HTRA3: variants seen among roughly 807,000 people sequenced by gnomAD.
The protein encoded by HTRA3 is HtrA serine peptidase 3.
In HTRA3, 41 loss-of-function variants were observed where a neutral mutation model predicts 43.2. The observed-to-expected ratio is 0.95, with a 90% CI of 0.74 to 1.23. The LOEUF (loss-of-function observed/expected upper bound fraction) is 1.23. Among genes scored for constraint, HTRA3 ranks in the 50% most tolerant of loss-of-function variants. The pLI is 0.00. For synonymous variants in HTRA3, 295 were observed against 287.9 expected (o/e 1.02, Z -0.25); for missense variants, 628 against 647.1 (o/e 0.97, Z 0.32).
intron 8 of HTRA3, 51 bp from the exon 9 acceptor site, chr4:8,305,920 G>A: frequency 1.2e-6 from 2 of 1,607,850 alleles, no homozygotes; most frequent in Non-Finnish European, 1.7e-6. Context: ...GGCCTGGGAA[G>A]GCTGTGCCTG....
chr4:8,280,721 G>A (rs1712710372), intron 1 of HTRA3, among the ~76,000 whole-genome samples: 1 of 136,268 alleles, frequency 7.3e-6, no homozygotes, highest in Admixed American at 7.0e-5. Flanking sequence ...TGATCTATGA[G>A]GAGCCTCGCG....
chr4:8,282,631 G>A lies in HTRA3; in HGVS notation c.485+95G>A, dbSNP rs1712800372. On this transcript the variant is annotated intron_variant, in intron 2 of 8. Transcript: ENST00000307358. Reference sequence around the variant, plus strand: ...CAAACCAGGCTTGATTCTGCAGCCTGGGCCACAGAAACTGGAGTGGCCTGG... The same window carrying A: ...CAAACCAGGCTTGATTCTGCAGCCTAGGCCACAGAAACTGGAGTGGCCTGG... 3 of 965,276 alleles carry A rather than the reference G, an allele frequency of 3.1e-6. No homozygotes were observed. The South Asian group carries it at 4.2e-5, about 13-fold the overall frequency. The allele number at this position is 965,276 out of a possible 1,614,324, so 59.8% of individuals were successfully genotyped here. A position where few individuals can be genotyped will look rare whatever the true frequency, so the allele number is the denominator to read the frequency against.
intron 3 of HTRA3, among the ~76,000 whole-genome samples, chr4:8,289,089 A>G (rs1405300984): frequency 1.3e-5 from 2 of 151,674 alleles, no homozygotes; most frequent in Admixed American, 1.3e-4. Context: ...AGCTAGGACT[A>G]CAGGCATGCA....
At position 8,295,535 on chromosome 4, in the gene HTRA3, T is replaced by C. The variant is rs1713423760; in HGVS notation, c.1051+1334T>C. On this transcript the variant is annotated intron_variant, in intron 6 of 8. Transcript: ENST00000307358. This position sits in a 1 kb window ranked among gnomAD's most constrained non-coding sequence, Gnocchi z 6.9. Reference sequence around the variant, plus strand: ...TTCCAGAGCAGGGCCATGCTTCCAATCGCAGGGCCTTTCCTGGGGGCCTCT... The same window carrying C: ...TTCCAGAGCAGGGCCATGCTTCCAACCGCAGGGCCTTTCCTGGGGGCCTCT... Among the ~76,000 whole-genome samples the C allele has an allele frequency of 6.6e-6, 1 of 152,220 alleles. No individual in the cohort carries two copies. The highest frequency in any genetic ancestry group is 2.4e-5 in the African/African-American group (1 of 41,454).
chr4:8,270,202 C>T lies in HTRA3; in HGVS notation c.234C>T (p.Arg78=). 6.5e-7 allele frequency: 1 copy of T among 1,538,260 alleles called. No individual in the cohort carries two copies. Among genetic ancestry groups the T allele is most frequent in the Non-Finnish European group, 8.7e-7 (1 of 1,154,434 alleles). ...GCGGCGAGAGCCTGGAGTGCGTGCGCGGCCTATGCCGCTGCCGCTGGTCGC... is the reference window on the plus strand; with the variant it reads ...GCGGCGAGAGCCTGGAGTGCGTGCGTGGCCTATGCCGCTGCCGCTGGTCGC... ...SPCGESLECV[R]GLCRCRWSHA... The change falls in exon 1 of 9, where the codon CGC becomes CGT. Residue 78 remains arginine (R), a synonymous_variant. Transcript: ENST00000307358.
intron 2 of HTRA3, among the ~76,000 whole-genome samples, chr4:8,285,514 T>C (rs754217133): frequency 2.6e-5 from 4 of 152,334 alleles, no homozygotes; most frequent in Middle Eastern, 3.4e-3. Flanking sequence ...CTCCATACTT[T>C]GTCCCTCGCA....
chr4:8,302,444 C>T lies in HTRA3; in HGVS notation c.1052-19C>T, dbSNP rs200994680. ...TTTCACAGCAGCCCTAACGGAGTCT[C>T]GCCGTGTTTCATTTCCAGACTGGAA... is the stretch of plus-strand genomic sequence containing the variant. On this transcript the variant is annotated intron_variant, in intron 6 of 8. Coordinates refer to ENST00000307358, the MANE Select transcript of HTRA3 (RefSeq NM_053044.5). The T allele has an allele frequency of 8.1e-6, 13 of 1,613,588 alleles. No individual in the cohort carries two copies. The highest frequency in any genetic ancestry group is 4.5e-5 in the East Asian group (2 of 44,874).
At chr4:8,305,618 C>T (rs1358915212) in intron 8 of HTRA3, among the ~76,000 whole-genome samples, 1 of 152,220 alleles carries the variant, frequency 6.6e-6, no homozygotes, top group Non-Finnish European at 1.5e-5. Flanking sequence ...AACAGCAGAA[C>T]CTACTCCTGG....
In HTRA3 at chr4:8,279,953, C is replaced by T. The variant is rs1027532667; in HGVS notation, c.386-2484C>T. Among the ~76,000 whole-genome samples the T allele has an allele frequency of 1.2e-4, 18 of 151,930 alleles. No homozygotes were observed. The highest frequency in any genetic ancestry group is 2.5e-4 in the Non-Finnish European group (17 of 68,010). ...CTGTCACAGGTGGGCACACAGGAGG[C>T]ACCCTGCACGAGTGGCTTGAATAAG... On this transcript the variant is annotated intron_variant, in intron 1 of 8. Transcript: ENST00000307358. The surrounding 1 kb of genome is among the most constrained non-coding windows in gnomAD (Gnocchi z 7.4).
In HTRA3 at chr4:8,301,602, A is replaced by G. The variant is rs565554253; in HGVS notation, c.1052-861A>G. On this transcript the variant is annotated intron_variant, in intron 6 of 8. Transcript: ENST00000307358. The stretch of plus-strand genomic sequence containing the variant: ...ATTCTAGGTTTTATTTGGTCTTTTT[A>G]TAGTTTTTAAGACGGAAACTGAGGT... Among the ~76,000 whole-genome samples, 47 of 152,070 alleles carry G rather than the reference A, an allele frequency of 3.1e-4. 1 individual carries two copies. The East Asian group carries it at 7.5e-3, about 24-fold the overall frequency.
At chr4:8,298,945 T>C (rs2153006955) in intron 6 of HTRA3, among the ~76,000 whole-genome samples, 1 of 152,344 alleles carries the variant, frequency 6.6e-6, no homozygotes, top group Middle Eastern at 3.4e-3. Context: ...TTCCAAGTTG[T>C]GTGGACTCCT....
Position 8,270,061 on chromosome 4 carries a change from G to A in HTRA3, c.93G>A (p.Val31=). 2 of 1,490,652 alleles carry A rather than the reference G, an allele frequency of 1.3e-6. No homozygotes were observed. Among genetic ancestry groups the A allele is most frequent in the East Asian group, 2.9e-5 (1 of 35,006 alleles). The allele number at this position is 1,490,652 out of a possible 1,614,324, so 92.3% of individuals were successfully genotyped here. The part of the protein sequence containing the change: ...PAAPCPARCD[V]SRCPSPRCPG... The stretch of plus-strand genomic sequence containing the variant: ...CGCCGTGTCCCGCGCGCTGCGACGT[G>A]TCGCGGTGTCCCAGCCCCCGCTGCC... The change falls in exon 1 of 9, where the codon GTG becomes GTA. Residue 31 remains valine, a synonymous_variant. Transcript: ENST00000307358.
intron 3 of HTRA3, among the ~76,000 whole-genome samples, chr4:8,287,434 C>A (rs530491593): frequency 6.6e-6 from 1 of 152,138 alleles, no homozygotes; most frequent in East Asian, 1.9e-4. Flanking sequence ...AAAGAGGGTT[C>A]GTTGACTCAG....
chr4:8,306,982 C>T lies in HTRA3; in HGVS notation c.*846C>T, dbSNP rs1271501903. 6.5e-6 allele frequency: 1 copy of T among 152,756 alleles called. No individual in the cohort carries two copies. Among genetic ancestry groups the T allele is most frequent in the Non-Finnish European group, 1.5e-5 (1 of 68,110 alleles). The allele number at this position is 152,756 out of a possible 1,614,324, so 9.5% of individuals were successfully genotyped here. ...TGCAGGCTGCTGGGCACCACCCCCT[C>T]ATCCAGGGAACGAGTGTGTCTCAAG... On this transcript the variant is annotated 3_prime_UTR_variant, in exon 9 of 9. Transcript: ENST00000307358. This position sits in a 1 kb window ranked among gnomAD's most constrained non-coding sequence, Gnocchi z 8.9.
At chr4:8,301,410 CTA>C (rs1252210987) in intron 6 of HTRA3, among the ~76,000 whole-genome samples, 5 of 151,634 alleles carry the variant, frequency 3.3e-5, no homozygotes, top group Admixed American at 6.6e-5. Flanking sequence ...TTGATTCACA[CTA>C]TCAGCTTTAT....
At chr4:8,304,393 G>A (rs1306757803) in intron 8 of HTRA3, 114 bp downstream of exon 8, 1 of 768,638 alleles carries the variant, frequency 1.3e-6, no homozygotes, top group South Asian at 1.7e-5. Context: ...GACCGGGAAG[G>A]GGCAGGTGGA....
At chr4:8,281,711 C>T (rs560968589) in intron 1 of HTRA3, among the ~76,000 whole-genome samples, 1 of 152,366 alleles carries the variant, frequency 6.6e-6, no homozygotes, top group South Asian at 2.1e-4. Context: ...CGTGCCACTG[C>T]ATGCCTCAGG....
chr4:8,286,196 C>T lies in HTRA3; in HGVS notation c.486-365C>T, dbSNP rs953817235. Among the ~76,000 whole-genome samples the T allele has an allele frequency of 1.3e-5, 2 of 152,190 alleles. No homozygotes were observed. The highest frequency in any genetic ancestry group is 6.5e-5 in the Admixed American group (1 of 15,274). ...CTTCACTGACCTGCCCACGGTCAGG[C>T]AGATAATAAGTGGGTCCTGGACTTG... On this transcript the variant is annotated intron_variant, in intron 2 of 8. Transcript: ENST00000307358. The surrounding 1 kb of genome is among the most constrained non-coding windows in gnomAD (Gnocchi z 4.9).
chr4:8,300,036 C>T (rs1477101698), intron 6 of HTRA3, among the ~76,000 whole-genome samples: 2 of 152,246 alleles, frequency 1.3e-5, no homozygotes, highest in East Asian at 3.9e-4. Context: ...GATGGGGTTT[C>T]ACCATGTTGG....
Sources: allele counts gnomAD v4.1 joint callset (sites outside exome capture counted in the v4.1 genomes callset), GRCh38; gene constraint gnomAD v4.1.1; non-coding constraint Gnocchi (gnomAD v3.1); transcripts MANE v1.5; gene names NCBI Gene and HGNC (gene_info 2026-07-23, HGNC 2026-07-21).